The following TNS3 variants were observed in gnomAD, a reference collection of about 807,000 sequenced individuals.
TNS3 encodes tensin-3.
In TNS3, 45 loss-of-function variants were observed where a neutral mutation model predicts 140.9. The ratio of observed to expected loss-of-function variants is 0.32; its 90% confidence interval spans 0.25 to 0.41. The LOEUF is 0.41. TNS3 is among the 10% of genes least tolerant of loss of function. The pLI is 1.00. For synonymous variants in TNS3, 815 were observed against 788.4 expected, an observed-to-expected ratio of 1.03 and a Z score of -0.56; for missense variants, 1,716 against 1,906.7, an observed-to-expected ratio of 0.90 and a Z score of 1.86.
At chr7:47,371,975 C>T (rs533291874) in intron 16 of TNS3, among the ~76,000 whole-genome samples, 6 of 152,332 alleles carry the variant, frequency 3.9e-5, no homozygotes, top group Admixed American at 3.3e-4. Flanking sequence ...GCATAGCACA[C>T]GGGTGAGTGT....
intron 2 of TNS3, among the ~76,000 whole-genome samples, chr7:47,526,802 G>A (rs1019573509): frequency 1.2e-4 from 18 of 152,148 alleles, no homozygotes; most frequent in African/African-American, 2.7e-4. Flanking sequence ...CAGGGCTCTC[G>A]GATCAACACC....
At chr7:47,510,853 C>T (rs1798580831) in intron 2 of TNS3, among the ~76,000 whole-genome samples, 1 of 120,396 alleles carries the variant, frequency 8.3e-6, no homozygotes, top group African/African-American at 3.1e-5. Context: ...CAGAGTAAGA[C>T]TGTCTTTAAA....
chr7:47,500,562 C>A (rs912708105), intron 3 of TNS3, among the ~76,000 whole-genome samples: 10 of 152,212 alleles, frequency 6.6e-5, no homozygotes, highest in African/African-American at 2.4e-4. Flanking sequence ...CTCAACAGCG[C>A]TGACTGAGTG....
chr7:47,343,655 C>G (rs1466581171), intron 20 of TNS3, among the ~76,000 whole-genome samples: 1 of 152,210 alleles, frequency 6.6e-6, no homozygotes, highest in Non-Finnish European at 1.5e-5. Flanking sequence ...AGAACAGATG[C>G]ATGGCTACCT....
chr7:47,421,561 C>T (rs1011056396), intron 10 of TNS3, among the ~76,000 whole-genome samples: 1 of 152,108 alleles, frequency 6.6e-6, no homozygotes, highest in Non-Finnish European at 1.5e-5. Flanking sequence ...GTTAGAGTCA[C>T]TGTGCCACAC....
chr7:47,367,781 C>A (rs751354379), intron 17 of TNS3, among the ~76,000 whole-genome samples: 2 of 152,220 alleles, frequency 1.3e-5, no homozygotes, highest in African/African-American at 2.4e-5. Context: ...CTCTGCCCAG[C>A]CACTGCCTTC....
At chr7:47,544,479 G>T (rs367601005) in intron 1 of TNS3, among the ~76,000 whole-genome samples, 1 of 152,044 alleles carries the variant, frequency 6.6e-6, no homozygotes, top group African/African-American at 2.4e-5. Flanking sequence ...TGCATGAATG[G>T]GGTTAATGCC....
intron 28 of TNS3, among the ~76,000 whole-genome samples, chr7:47,282,045 T>C (rs567301013): frequency 1.3e-5 from 2 of 151,218 alleles, no homozygotes; most frequent in Non-Finnish European, 1.5e-5. Flanking sequence ...ACCAGGTAGA[T>C]GATCCATATC....
At chr7:47,307,729 A>G (rs1263877828) in intron 20 of TNS3, among the ~76,000 whole-genome samples, 3 of 152,196 alleles carry the variant, frequency 2.0e-5, no homozygotes. Context: ...ATGCTTATTA[A>G]TAGGCATTTT....
chr7:47,345,128 C>T, intron 18 of TNS3, 90 bp from the exon 19 acceptor site: 2 of 1,010,664 alleles, frequency 2.0e-6, no homozygotes, highest in Non-Finnish European at 3.0e-6. Context: ...CCCAGGCTGG[C>T]CCACTGAGCA....
chr7:47,578,000 A>G (rs1800713295), intron 1 of TNS3, among the ~76,000 whole-genome samples: 1 of 151,628 alleles, frequency 6.6e-6, no homozygotes, highest in Admixed American at 6.6e-5. Flanking sequence ...AAAGAGTAGT[A>G]GACTACTGCC....
chr7:47,414,079 G>T, intron 11 of TNS3, 82 bp from the exon 12 acceptor site: 2 of 1,442,932 alleles, frequency 1.4e-6, no homozygotes, highest in South Asian at 1.2e-5. Context: ...GACAGAAAGC[G>T]ACGAGGAGAC....
rs1259118579 is a variant in TNS3 at position 47,368,997 on chromosome 7, T to A, written c.1649A>T (p.Glu550Val). 6.2e-7 allele frequency: 1 copy of A among 1,613,850 alleles called. No homozygotes were observed. The highest frequency in any genetic ancestry group is 1.3e-5 in the African/African-American group (1 of 74,932). ...DLGLGMDGPYERERTFGSREP... is the reference protein window; with the variant it reads ...DLGLGMDGPYVRERTFGSREP... ...TCGACTCCCAAAAGTCCGCTCCCGC[T>A]CATAGGGGCCGTCCATGCCAAGGCC... The change falls in exon 17 of 31, where the codon GAG (glutamate) becomes GTG (valine). Residue 550 changes from glutamate to valine, a missense_variant. By Grantham distance (121) the Glu-to-Val change is moderately radical. Transcript: ENST00000311160.
rs538215514 is a variant in TNS3, at chr7:47,478,303, G to C, written c.-76+2800C>G. 5.9e-4 allele frequency among the ~76,000 whole-genome samples: 90 copies of C among 152,244 alleles called. 1 individual carries two copies. The highest frequency in any genetic ancestry group is 1.9e-3 in the African/African-American group (81 of 41,562). On this transcript the variant is annotated intron_variant, in intron 4 of 30. Transcript: ENST00000311160. ...TCTATAGGTCCCCAGGCAATGCTGA[G>C]GCTGTAGGTCCAGGGACCACACCTG...
Position 47,385,624 on chromosome 7 carries a change from T to C in TNS3, c.1024+11176A>G, listed in dbSNP as rs115408884. 4.4e-3 allele frequency among the ~76,000 whole-genome samples: 665 copies of C among 152,298 alleles called. 7 individuals are homozygous for C. The highest frequency in any genetic ancestry group is 0.015 in the African/African-American group (622 of 41,578). The stretch of plus-strand genomic sequence containing the variant: ...CTGCCTTCACTCCCCAGGTGACCTA[T>C]TGGAATCCTCCGATTTATGATTAAC... On this transcript the variant is annotated intron_variant, in intron 16 of 30. Transcript: ENST00000311160.
chr7:47,484,362 A>G (rs115446299), intron 3 of TNS3, among the ~76,000 whole-genome samples: 2 of 152,194 alleles, frequency 1.3e-5, no homozygotes, highest in Non-Finnish European at 2.9e-5. Context: ...CACAGAGGGC[A>G]CTTGTTCTTT....
intron 1 of TNS3, among the ~76,000 whole-genome samples, chr7:47,538,474 C>T (rs1799683440): frequency 6.6e-6 from 1 of 152,124 alleles, no homozygotes; most frequent in Non-Finnish European, 1.5e-5. Flanking sequence ...GGCTCCAACA[C>T]TCTAACTTCA....
chr7:47,515,626 A>G (rs1481880194), intron 2 of TNS3, among the ~76,000 whole-genome samples: 1 of 151,986 alleles, frequency 6.6e-6, no homozygotes, highest in East Asian at 1.9e-4. Context: ...GACCATCACC[A>G]TCTTCACCAA....
intron 13 of TNS3, among the ~76,000 whole-genome samples, chr7:47,401,210 C>G (rs1212312948): frequency 6.6e-6 from 1 of 152,236 alleles, no homozygotes; most frequent in Non-Finnish European, 1.5e-5. Flanking sequence ...CGCTAGTCCT[C>G]AGAGAGGCCA....
Sources: allele counts gnomAD v4.1 joint callset (sites outside exome capture counted in the v4.1 genomes callset), GRCh38; gene constraint gnomAD v4.1.1; transcripts MANE v1.5; gene names NCBI Gene and HGNC (gene_info 2026-07-23, HGNC 2026-07-21).